The following SHTN1 variants were observed in gnomAD, a reference collection of about 807,000 sequenced individuals.
SHTN1 encodes the protein shootin-1.
In SHTN1, 42 loss-of-function variants were observed where a neutral mutation model predicts 83.1. The ratio of observed to expected loss-of-function variants is 0.51; its 90% CI spans 0.39 to 0.65. The LOEUF (loss-of-function observed/expected upper bound fraction) is 0.65. SHTN1 is among the 30% of genes least tolerant of loss of function. The pLI, the probability that SHTN1 is intolerant of heterozygous loss-of-function variation, is 0.00. For missense variants in SHTN1, 622 were observed against 737.8 expected (o/e 0.84, Z 1.82); for synonymous variants, 224 against 247.7 (o/e 0.90, Z 0.90).
rs1301569330 is a variant in SHTN1 at position 116,898,137 on chromosome 10, G to A, written c.1673+3628C>T. Among the ~76,000 whole-genome samples the A allele has an allele frequency of 2.0e-5, 3 of 152,086 alleles. No homozygotes were observed. The East Asian group carries it at 5.8e-4, about 29-fold the overall frequency. The stretch of plus-strand genomic sequence containing the variant: ...GAGGTCAGGAGTTCAAGACCAGCCT[G>A]ACCAACATAGTGAAACCGCGTCTCT... On this transcript the variant is annotated intron_variant, in intron 16 of 16. Coordinates refer to ENST00000355371, the MANE Select transcript of SHTN1 (RefSeq NM_001127211.3).
intron 1 of SHTN1, among the ~76,000 whole-genome samples, chr10:117,067,466 G>GTC (rs1853019018): frequency 6.6e-6 from 1 of 152,164 alleles, no homozygotes; most frequent in Non-Finnish European, 1.5e-5. Context: ...GTGGTGGCAG[G>GTC]TGCCTGTAGT....
chr10:116,959,994 G>A (rs1850125835), intron 4 of SHTN1, 142 bp downstream of exon 4: 5 of 566,068 alleles, frequency 8.8e-6, no homozygotes, highest in South Asian at 5.1e-5. Context: ...CCAGGATTCT[G>A]AGGCCTTTTA....
chr10:116,950,217 G>A (rs900709443), intron 6 of SHTN1, among the ~76,000 whole-genome samples: 1 of 152,124 alleles, frequency 6.6e-6, no homozygotes, highest in African/African-American at 2.4e-5. Flanking sequence ...CAGGCTGGAG[G>A]GTGGTAATAC....
At chr10:117,025,202 C>G (rs1288702040) in intron 2 of SHTN1, among the ~76,000 whole-genome samples, 2 of 152,194 alleles carry the variant, frequency 1.3e-5, no homozygotes, top group Non-Finnish European at 2.9e-5. Context: ...ACTAATGCCA[C>G]CCCTCACCCA....
chr10:116,886,634 T>C, intron 16 of SHTN1, 68 bp from the exon 17 acceptor site: 3 of 1,592,836 alleles, frequency 1.9e-6, no homozygotes, highest in Non-Finnish European at 1.7e-6. Flanking sequence ...TCTGATATTC[T>C]GGATTCAGAC....
chr10:116,980,723 G>T (rs1258363332), intron 1 of SHTN1, among the ~76,000 whole-genome samples: 3 of 152,004 alleles, frequency 2.0e-5, no homozygotes, highest in African/African-American at 7.3e-5. Flanking sequence ...TAACCACTAG[G>T]GCAAAGAACA....
At position 116,881,774 on chromosome 10, in the gene SHTN1, C is replaced by A; in HGVS notation, c.*4570G>T. 1 of 844,550 alleles carries A rather than the reference C, an allele frequency of 1.2e-6. No homozygotes were observed. The highest frequency in any genetic ancestry group is 1.6e-6 in the Non-Finnish European group (1 of 606,464). The allele number at this position is 844,550 out of a possible 1,614,324, so 52.3% of individuals were successfully genotyped here. A position where few individuals can be genotyped will look rare whatever the true frequency, so the allele number is the denominator to read the frequency against. ...CATGGAGTTTCCTCTTCAACTTCAC[C>A]AACTCTTGTGGTTTTTATTCTTCTA... is the stretch of plus-strand genomic sequence containing the variant. On this transcript the variant is annotated 3_prime_UTR_variant, in exon 17 of 17. Transcript: ENST00000355371.
chr10:116,952,035 A>C, intron 5 of SHTN1, 29 bp from the exon 6 acceptor site: 2 of 1,148,116 alleles, frequency 1.7e-6, no homozygotes, highest in Non-Finnish European at 2.4e-6. Context: ...AAAATATATA[A>C]ATAAACTTAT....
chr10:116,998,078 C>T (rs985620744), intron 1 of SHTN1, among the ~76,000 whole-genome samples: 4 of 151,906 alleles, frequency 2.6e-5, no homozygotes, highest in Non-Finnish European at 4.4e-5. Flanking sequence ...GGGGACAGAG[C>T]GAGACTCTGT....
At chr10:116,982,476 A>C (rs1435650269) in intron 1 of SHTN1, among the ~76,000 whole-genome samples, 4 of 152,218 alleles carry the variant, frequency 2.6e-5, no homozygotes, top group African/African-American at 9.6e-5. Flanking sequence ...TAACTTCAGC[A>C]AAACTGGCAA....
At chr10:117,118,077 G>C (rs1853873639) in intron 1 of SHTN1, among the ~76,000 whole-genome samples, 1 of 152,068 alleles carries the variant, frequency 6.6e-6, no homozygotes, top group African/African-American at 2.4e-5. Context: ...CACAGCAAAG[G>C]AAACAAATAA....
intron 7 of SHTN1, among the ~76,000 whole-genome samples, chr10:116,946,183 C>CAT (rs3981229): frequency 0.018 from 2,727 of 149,114 alleles, 76 homozygotes; most frequent in African/African-American, 0.065. Context: ...CTCTGTCTTC[C>CAT]ATATATATAT....
intron 1 of SHTN1, among the ~76,000 whole-genome samples, chr10:117,108,270 T>C (rs1438344712): frequency 6.6e-6 from 1 of 152,138 alleles, no homozygotes; most frequent in Non-Finnish European, 1.5e-5. Context: ...ATGTTTATTG[T>C]GGCACTACTC....
intron 2 of SHTN1, among the ~76,000 whole-genome samples, chr10:116,978,538 T>C (rs1254370380): frequency 6.6e-6 from 1 of 151,832 alleles, no homozygotes; most frequent in Non-Finnish European, 1.5e-5. Context: ...TCAGTCCCTC[T>C]ACGTTTCTGA....
In SHTN1 at chr10:117,039,615, G is replaced by A. The variant is rs542657647; in HGVS notation, c.-123+8830C>T. Among the ~76,000 whole-genome samples the A allele has an allele frequency of 7.3e-4, 111 of 152,220 alleles. 2 individuals are homozygous for A. The South Asian group carries it at 0.022, about 30-fold the overall frequency. ...CACGCCTATAATCCCAGCACTTTGG[G>A]AGGCTGAGGGGGCAGATCACGAGGT... On this transcript the variant is annotated intron_variant, in intron 2 of 17. Transcript: ENST00000392901.
rs373454186 is a variant in SHTN1, at chr10:116,941,353, T to C, written c.712-741A>G. Among the ~76,000 whole-genome samples, 44 of 152,358 alleles carry C rather than the reference T, an allele frequency of 2.9e-4. No homozygotes were observed. In the East Asian group the frequency reaches 7.9e-3, roughly 27 times the overall value. ...AGGGGAGAAGGGAGACAGTATATTT[T>C]ATTGAGCACTGTATTAAGCAATTTA... On this transcript the variant is annotated intron_variant, in intron 8 of 16. Coordinates refer to ENST00000355371, the MANE Select transcript of SHTN1 (RefSeq NM_001127211.3).
rs1847045261 is a variant in SHTN1, at chr10:116,882,391, C to T, written c.*3953G>A. ...ACCACAGCATTTAAAAAGCAATCCG[C>T]AAGTGATAAAAAAAAAAAAAAAAAA... is the stretch of plus-strand genomic sequence containing the variant. On this transcript the variant is annotated 3_prime_UTR_variant, in exon 17 of 17. Coordinates refer to ENST00000355371, the MANE Select transcript of SHTN1 (RefSeq NM_001127211.3). The T allele has an allele frequency of 7.8e-6, 1 of 127,474 alleles. No individual in the cohort carries two copies. Among genetic ancestry groups the T allele is most frequent in the Admixed American group, 8.3e-5 (1 of 12,006 alleles). The allele number at this position is 127,474 out of a possible 1,614,324, so 7.9% of individuals were successfully genotyped here.
chr10:117,020,599 G>A (rs1852246633), intron 2 of SHTN1, among the ~76,000 whole-genome samples: 1 of 150,998 alleles, frequency 6.6e-6, no homozygotes, highest in African/African-American at 2.4e-5. Context: ...CAGAATGCCT[G>A]AATATTGATA....
At chr10:117,034,778 G>A (rs992446995) in intron 2 of SHTN1, among the ~76,000 whole-genome samples, 1 of 152,030 alleles carries the variant, frequency 6.6e-6, no homozygotes, top group African/African-American at 2.4e-5. Flanking sequence ...AACCAAAGAA[G>A]TGAAAGATCT....
Sources: gnomAD v4.1 joint callset for allele counts (sites outside exome capture counted in the v4.1 genomes callset) on GRCh38, gnomAD v4.1.1 for gene constraint, MANE v1.5 for transcripts, NCBI Gene and HGNC (gene_info 2026-07-23, HGNC 2026-07-21) for gene names.